The following GRID1 variants were observed in gnomAD, a reference collection of about 807,000 sequenced individuals.
GRID1 encodes the protein glutamate receptor ionotropic, delta-1.
A neutral mutation model predicts 98.0 loss-of-function variants in GRID1; 28 were observed. That is an observed-to-expected ratio of 0.29 (90% confidence interval 0.21 to 0.39). The LOEUF is 0.39. Among genes scored for constraint, GRID1 ranks in the 10% least tolerant of loss-of-function variants. The probability of loss-of-function intolerance (pLI) is 1.00; values close to 1 mark genes in which losing one functional copy is unlikely to be tolerated. For synonymous variants in GRID1, 553 were observed against 538.5 expected (o/e 1.03, Z -0.37); for missense variants, 1,111 against 1,340.5 (o/e 0.83, Z 2.67).
At chr10:86,131,532 G>A (rs1844838494) in intron 4 of GRID1, among the ~76,000 whole-genome samples, 1 of 152,130 alleles carries the variant, frequency 6.6e-6, no homozygotes, top group African/African-American at 2.4e-5. Flanking sequence ...CAGGTTCACA[G>A]TTCTCTTTGA....
At chr10:86,122,139 TC>T (rs1382286617) in intron 4 of GRID1, among the ~76,000 whole-genome samples, 1 of 152,186 alleles carries the variant, frequency 6.6e-6, no homozygotes, top group African/African-American at 2.4e-5. Flanking sequence ...GCCAGGCACT[TC>T]CCCACACATT....
chr10:85,986,556 C>T (rs905125822), intron 4 of GRID1, among the ~76,000 whole-genome samples: 9 of 152,190 alleles, frequency 5.9e-5, no homozygotes, highest in African/African-American at 1.9e-4. Context: ...CAGACCCCAA[C>T]TGCAACCTGC....
chr10:86,327,206 TC>T (rs1848063930), intron 2 of GRID1, among the ~76,000 whole-genome samples: 1 of 152,220 alleles, frequency 6.6e-6, no homozygotes, highest in South Asian at 2.1e-4. Context: ...TTGTTGGACA[TC>T]CTTACATTTA....
intron 3 of GRID1, among the ~76,000 whole-genome samples, chr10:86,154,888 C>T (rs1845223064): frequency 6.6e-6 from 1 of 152,062 alleles, no homozygotes; most frequent in Non-Finnish European, 1.5e-5. Flanking sequence ...TGTACCAAGC[C>T]CCACACACTC....
intron 4 of GRID1, among the ~76,000 whole-genome samples, chr10:86,093,222 C>A (rs895422453): frequency 6.6e-6 from 1 of 152,064 alleles, no homozygotes; most frequent in Non-Finnish European, 1.5e-5. Flanking sequence ...CTCTGGGATA[C>A]AGCAAAGGCG....
At chr10:86,053,871 C>T (rs1843538013) in intron 4 of GRID1, among the ~76,000 whole-genome samples, 1 of 152,172 alleles carries the variant, frequency 6.6e-6, no homozygotes, top group Admixed American at 6.5e-5. Flanking sequence ...TAAGCACATG[C>T]TCACACACGT....
intron 2 of GRID1, among the ~76,000 whole-genome samples, chr10:86,340,419 C>T (rs931967221): frequency 2.6e-5 from 4 of 152,268 alleles, no homozygotes; most frequent in East Asian, 1.9e-4. Flanking sequence ...TGCAGAGCAC[C>T]GTCATGACCT....
intron 12 of GRID1, among the ~76,000 whole-genome samples, chr10:85,657,846 C>T (rs1379552631): frequency 3.3e-5 from 5 of 152,172 alleles, no homozygotes; most frequent in Non-Finnish European, 5.9e-5. Flanking sequence ...TGGGAGAATT[C>T]TCCTGGGATA....
chr10:85,975,271 G>A (rs1419307013), intron 4 of GRID1, among the ~76,000 whole-genome samples: 1 of 152,308 alleles, frequency 6.6e-6, no homozygotes, highest in East Asian at 1.9e-4. Flanking sequence ...AAAACACTGA[G>A]ATTTCTCGGG....
At chr10:85,870,292 G>T (rs1843264955) in intron 5 of GRID1, among the ~76,000 whole-genome samples, 1 of 152,184 alleles carries the variant, frequency 6.6e-6, no homozygotes, top group African/African-American at 2.4e-5. Context: ...AAGTTCTTCA[G>T]CTTTTGGACT....
chr10:85,629,379 A>G (rs1480530282), intron 13 of GRID1, among the ~76,000 whole-genome samples: 1 of 96,840 alleles, frequency 1.0e-5, no homozygotes, highest in African/African-American at 4.0e-5. Flanking sequence ...CCTTACCCCC[A>G]TCCCACCCTC....
intron 4 of GRID1, among the ~76,000 whole-genome samples, chr10:85,986,470 G>A (rs1180470579): frequency 6.6e-6 from 1 of 152,234 alleles, no homozygotes. Context: ...AGACAGGCCT[G>A]ATAGGAGGCC....
At chr10:85,694,546 GTGTGTA>G (rs1841368029) in intron 12 of GRID1, among the ~76,000 whole-genome samples, 3 of 78,178 alleles carry the variant, frequency 3.8e-5, no homozygotes, top group African/African-American at 1.4e-4. Context: ...AGAAAATGTG[GTGTGTA>G]TATATATATA....
chr10:86,242,206 A>G (rs1187162703), intron 2 of GRID1, among the ~76,000 whole-genome samples: 2 of 152,372 alleles, frequency 1.3e-5, no homozygotes, highest in Admixed American at 6.5e-5. Context: ...AGCAAGATTT[A>G]CCAAGGAAAG....
intron 4 of GRID1, among the ~76,000 whole-genome samples, chr10:86,022,410 G>A (rs1034525626): frequency 8.5e-5 from 13 of 152,164 alleles, no homozygotes; most frequent in African/African-American, 2.9e-4. Flanking sequence ...TGGCTCCTGC[G>A]TAGGACAGTG....
intron 2 of GRID1, among the ~76,000 whole-genome samples, chr10:86,338,032 G>T (rs1291290414): frequency 6.6e-6 from 1 of 152,152 alleles, no homozygotes; most frequent in Non-Finnish European, 1.5e-5. Context: ...AATTCCACCT[G>T]GTTTTGGAAA....
intron 8 of GRID1, among the ~76,000 whole-genome samples, chr10:85,735,157 G>T (rs1023819965): frequency 1.3e-5 from 2 of 152,194 alleles, no homozygotes; most frequent in African/African-American, 4.8e-5. Context: ...TTTGCAGACA[G>T]AATTTTGTTT....
At chr10:86,285,596 A>G (rs1847419929) in intron 2 of GRID1, among the ~76,000 whole-genome samples, 1 of 152,112 alleles carries the variant, frequency 6.6e-6, no homozygotes, top group Non-Finnish European at 1.5e-5. Flanking sequence ...AATAATAACC[A>G]TATGTCAGCA....
chr10:85,994,441 G>A (rs7095652), intron 4 of GRID1, among the ~76,000 whole-genome samples: 108,678 of 152,164 alleles, frequency 0.71, 39,275 homozygotes, highest in South Asian at 0.83. Context: ...CCTAGCACCC[G>A]ACATCTCTGC....
Sources: allele counts gnomAD v4.1 joint callset (sites outside exome capture counted in the v4.1 genomes callset), GRCh38; gene constraint gnomAD v4.1.1; transcripts MANE v1.5; gene names NCBI Gene and HGNC (gene_info 2026-07-23, HGNC 2026-07-21).